MAP3K4: variants seen among roughly 807,000 people sequenced by gnomAD.
The protein encoded by MAP3K4 is mitogen-activated protein kinase kinase kinase 4.
Under a neutral mutation model 185.6 loss-of-function variants are expected in MAP3K4, and 67 were observed. The ratio of observed to expected loss-of-function variants is 0.36; its 90% CI spans 0.30 to 0.44. The LOEUF is 0.44. MAP3K4 is among the 20% of genes least tolerant of loss of function. The pLI is 1.00. For missense variants in MAP3K4, 1,551 were observed against 1,995.1 expected, an observed-to-expected ratio of 0.78 and a Z score of 4.24; for synonymous variants, 702 against 710.4, an observed-to-expected ratio of 0.99 and a Z score of 0.19.
intron 6 of MAP3K4, 47 bp downstream of exon 6, chr6:161,081,085 C>G (rs553921637): frequency 1.8e-4 from 279 of 1,584,666 alleles, no homozygotes; most frequent in Middle Eastern, 3.4e-4. Flanking sequence ...CCTTCTCACT[C>G]TCACACCATT....
At position 161,077,669 on chromosome 6, in the gene MAP3K4, A is replaced by T. The variant is rs146776551; in HGVS notation, c.2098-3212A>T. Among the ~76,000 whole-genome samples the T allele has an allele frequency of 1.2e-4, 19 of 152,306 alleles. No homozygotes were observed. In the East Asian group the frequency reaches 3.5e-3, roughly 28 times the overall value. On this transcript the variant is annotated intron_variant, in intron 5 of 26. Transcript: ENST00000392142. This position sits in a 1 kb window ranked among gnomAD's most constrained non-coding sequence, Gnocchi z 4.3. ...CATACATTCAGAAAGAAGTATAAGG[A>T]TTCAAAGGAAACGTAGGCAGTGAAA...
In MAP3K4 at chr6:161,112,755, T is replaced by C. The variant is rs1477003192; in HGVS notation, c.4607T>C (p.Ile1536Thr). Residue 1536 changes from isoleucine to threonine, a missense_variant, in exon 25 of 27, where the codon ATA (isoleucine) becomes ACA (threonine). Physicochemically the swap from Ile to Thr is moderately conservative, Grantham distance 89 (BLOSUM62 -1). This residue lies in a region of MAP3K4 where 159 missense variants were observed against 300.5 expected (regional missense o/e 0.53). Transcript: ENST00000392142. The surrounding 1 kb of genome is among the most constrained non-coding windows in gnomAD (Gnocchi z 5.1). ...ATCTGGAGTCTGGGGTGTGTTGTCA[T>C]AGAGATGGTGACTGGCAAGGTAAGC... is the stretch of plus-strand genomic sequence containing the variant. ...ADIWSLGCVV[I>T]EMVTGKRPWH... The C allele has an allele frequency of 6.2e-7, 1 of 1,604,454 alleles. No individual in the cohort carries two copies. The highest frequency in any genetic ancestry group is 8.5e-7 in the Non-Finnish European group (1 of 1,176,404).
chr6:160,997,674 TTGTCCACCGGCTG>T (rs1258194507), intron 1 of MAP3K4, among the ~76,000 whole-genome samples: 1 of 152,198 alleles, frequency 6.6e-6, no homozygotes, highest in Non-Finnish European at 1.5e-5. Context: ...ATACACATAT[TTGTCCACCGGCTG>T]TGTCTGCCCT....
chr6:161,006,855 G>C (rs901604553), intron 1 of MAP3K4, among the ~76,000 whole-genome samples: 58 of 152,144 alleles, frequency 3.8e-4, no homozygotes, highest in African/African-American at 1.2e-3. Context: ...CCCGAGATCT[G>C]CTTCTTGGTG....
Position 161,084,012 on chromosome 6 carries a change from A to G in MAP3K4, c.2256-489A>G, listed in dbSNP as rs1785581475. Among the ~76,000 whole-genome samples the G allele has an allele frequency of 6.6e-6, 1 of 152,240 alleles. No homozygotes were observed. ...TCACTCATTTAGATTCATTTTATAT[A>G]CTGGGGTGTACATTTTAACACTAGT... On this transcript the variant is annotated intron_variant, in intron 6 of 26. Coordinates refer to ENST00000392142, the MANE Select transcript of MAP3K4 (RefSeq NM_005922.4). The surrounding 1 kb of genome is among the most constrained non-coding windows in gnomAD (Gnocchi z 4.6).
Position 161,063,228 on chromosome 6 carries a change from G to A in MAP3K4, c.1708-7380G>A, listed in dbSNP as rs1335491964. Among the ~76,000 whole-genome samples the A allele has an allele frequency of 2.0e-5, 3 of 151,434 alleles. No individual in the cohort carries two copies. Among genetic ancestry groups the A allele is most frequent in the Non-Finnish European group, 4.4e-5 (3 of 67,820 alleles). On this transcript the variant is annotated intron_variant, in intron 3 of 26. Transcript: ENST00000392142. This position sits in a 1 kb window ranked among gnomAD's most constrained non-coding sequence, Gnocchi z 5.4. ...GGTTTTTTTTCTAATTCTAATTTTTGTCATTATTTTATATTTTTTATGATT... is the reference window on the plus strand; with the variant it reads ...GGTTTTTTTTCTAATTCTAATTTTTATCATTATTTTATATTTTTTATGATT...
rs562666437 is a variant in MAP3K4 at position 161,084,321 on chromosome 6, A to C, written c.2256-180A>C. Among the ~76,000 whole-genome samples, 1 of 152,372 alleles carries C rather than the reference A, an allele frequency of 6.6e-6. No individual in the cohort carries two copies. The highest frequency in any genetic ancestry group is 1.5e-5 in the Non-Finnish European group (1 of 68,032). On this transcript the variant is annotated intron_variant, in intron 6 of 26. Coordinates refer to ENST00000392142, the MANE Select transcript of MAP3K4 (RefSeq NM_005922.4). The surrounding 1 kb of genome is among the most constrained non-coding windows in gnomAD (Gnocchi z 4.6). ...AGTAGAACAAAGGTAGGTACATGTC[A>C]TAATCCAGATTCCTATTTTTCCACG...
At position 161,088,689 on chromosome 6, in the gene MAP3K4, C is replaced by A. The variant is rs572911073; in HGVS notation, c.2824-633C>A. On this transcript the variant is annotated intron_variant, in intron 10 of 26. Coordinates refer to ENST00000392142, the MANE Select transcript of MAP3K4 (RefSeq NM_005922.4). The surrounding 1 kb of genome is among the most constrained non-coding windows in gnomAD (Gnocchi z 4.5). ...CCAGTAAATGATCCTTTCCCTGCAT[C>A]CCCAGAGCAGCTGCTGTAGTCAGCA... Among the ~76,000 whole-genome samples the A allele has an allele frequency of 4.6e-5, 7 of 152,298 alleles. No homozygotes were observed. The highest frequency in any genetic ancestry group is 1.7e-4 in the African/African-American group (7 of 41,556).
Position 161,116,861 on chromosome 6 carries a change from T to C in MAP3K4, c.4818T>C (p.Asp1606=). Residue 1606 remains aspartate, a synonymous_variant, in exon 27 of 27, where the codon GAT becomes GAC. Transcript: ENST00000392142. This position sits in a 1 kb window ranked among gnomAD's most constrained non-coding sequence, Gnocchi z 6.2. ...CTGCTTCCTCACAGGTTTGCACAGA[T>C]GAAGAATGAAGCCTAGTAGAATATG... ...LDHSFVKVCT[D]EE is the part of the protein sequence containing the mutation. 1.2e-6 allele frequency: 2 copies of C among 1,614,114 alleles called. No individual in the cohort carries two copies. Among genetic ancestry groups the C allele is most frequent in the Non-Finnish European group, 1.7e-6 (2 of 1,179,950 alleles).
rs1785058018 is a variant in MAP3K4, at chr6:161,073,906, A to C, written c.2097+294A>C. Among the ~76,000 whole-genome samples the C allele has an allele frequency of 6.6e-6, 1 of 152,208 alleles. No homozygotes were observed. Among genetic ancestry groups the C allele is most frequent in the African/African-American group, 2.4e-5 (1 of 41,452 alleles). On this transcript the variant is annotated intron_variant, in intron 5 of 26. Transcript: ENST00000392142. This position sits in a 1 kb window ranked among gnomAD's most constrained non-coding sequence, Gnocchi z 4.2. ...TTTTTAAGTTGGAAGTTTTTGACAA[A>C]CGTTAACCTAGTTCATTCTTTACTT...
At chr6:161,065,917 A>T (rs1204586733) in intron 3 of MAP3K4, among the ~76,000 whole-genome samples, 7 of 120,198 alleles carry the variant, frequency 5.8e-5, no homozygotes, top group East Asian at 2.7e-4. Flanking sequence ...CAGCCTGGGC[A>T]AAAGAGCAAG....
rs567300456 is a variant in MAP3K4 at position 161,115,646 on chromosome 6, T to C, written c.4806+344T>C. On this transcript the variant is annotated intron_variant, in intron 26 of 26. Transcript: ENST00000392142. The surrounding 1 kb of genome is among the most constrained non-coding windows in gnomAD (Gnocchi z 6.0). ...CTAATCATTATACTGAGAGCTGTGA[T>C]AATGGTATATAAGGTTACTCAGAAG... Among the ~76,000 whole-genome samples, 7 of 152,298 alleles carry C rather than the reference T, an allele frequency of 4.6e-5. No individual in the cohort carries two copies. The highest frequency in any genetic ancestry group is 3.4e-3 in the Middle Eastern group (1 of 294).
At chr6:161,033,221 G>T (rs1783011530) in intron 1 of MAP3K4, among the ~76,000 whole-genome samples, 1 of 151,956 alleles carries the variant, frequency 6.6e-6, no homozygotes, top group African/African-American at 2.4e-5. Flanking sequence ...AAAATATAAA[G>T]CATATTTATA....
intron 1 of MAP3K4, among the ~76,000 whole-genome samples, chr6:161,009,511 G>T (rs1047941385): frequency 9.2e-5 from 14 of 152,000 alleles, no homozygotes; most frequent in African/African-American, 2.7e-4. Context: ...TTTCTGATTG[G>T]CTTATTTCAC....
rs549665220 is a variant in MAP3K4 at position 161,024,100 on chromosome 6, G to A, written c.153-10159G>A. Among the ~76,000 whole-genome samples the A allele has an allele frequency of 9.2e-5, 14 of 152,140 alleles. No individual in the cohort carries two copies. The East Asian group carries it at 1.5e-3, about 17-fold the overall frequency. ...TCTTGCTTCACCCTCCTGAGTAGCC[G>A]GGACTACAGGTGTGCAGCACCAAAC... On this transcript the variant is annotated intron_variant, in intron 1 of 26. Transcript: ENST00000392142.
In MAP3K4 at chr6:161,084,569, C is replaced by T. The variant is rs760079991; in HGVS notation, c.2324C>T (p.Ala775Val). The T allele has an allele frequency of 3.7e-6, 6 of 1,613,130 alleles. No homozygotes were observed. The East Asian group carries it at 8.9e-5, about 24-fold the overall frequency. ...FLEFGLQESC[A>V]EFWTSADDSS... is the part of the protein sequence containing the mutation. ...GAATTTGGCTTACAGGAGAGCTGTGCTGAATTTTGGACTAGTGCGGATGAC... is the reference window on the plus strand; with the variant it reads ...GAATTTGGCTTACAGGAGAGCTGTGTTGAATTTTGGACTAGTGCGGATGAC... The change falls in exon 7 of 27, where the codon GCT becomes GTT. Residue 775 changes from alanine to valine, a missense_variant. Physicochemically the swap from Ala to Val is moderately conservative, Grantham distance 64. Transcript: ENST00000392142. The surrounding 1 kb of genome is among the most constrained non-coding windows in gnomAD (Gnocchi z 4.6).
chr6:161,110,949 G>A lies in MAP3K4; in HGVS notation c.4397-887G>A, dbSNP rs547442400. Among the ~76,000 whole-genome samples, 6 of 152,286 alleles carry A rather than the reference G, an allele frequency of 3.9e-5. No homozygotes were observed. In the South Asian group the frequency reaches 1.0e-3, roughly 26 times the overall value. On this transcript the variant is annotated intron_variant, in intron 23 of 26. Coordinates refer to ENST00000392142, the MANE Select transcript of MAP3K4 (RefSeq NM_005922.4). This position sits in a 1 kb window ranked among gnomAD's most constrained non-coding sequence, Gnocchi z 4.8. ...AAAATGGTGTTTGCACGTTTGTTCC[G>A]TGGCAGGAAGAGACTCCCTTAGAAT...
Position 161,097,792 on chromosome 6 carries a change from A to G in MAP3K4, c.3525-486A>G, listed in dbSNP as rs73026071. ...GACCACAGTTTTTTGTTTTTTTTTT[A>G]AAGCTTTGAGGGGACCGGGGTGCGG... On this transcript the variant is annotated intron_variant, in intron 16 of 26. Coordinates refer to ENST00000392142, the MANE Select transcript of MAP3K4 (RefSeq NM_005922.4). The surrounding 1 kb of genome is among the most constrained non-coding windows in gnomAD (Gnocchi z 4.9). Among the ~76,000 whole-genome samples the G allele has an allele frequency of 8.6e-5, 11 of 128,434 alleles. No individual in the cohort carries two copies. The highest frequency in any genetic ancestry group is 1.4e-4 in the Non-Finnish European group (8 of 57,896). 84.3% of individuals were successfully genotyped at this position (128,434 alleles called of 152,430 possible). A position where few individuals can be genotyped will look rare whatever the true frequency, so the allele number is the denominator to read the frequency against.
At chr6:161,094,187 A>G (rs1777468905) in intron 15 of MAP3K4, among the ~76,000 whole-genome samples, 1 of 152,188 alleles carries the variant, frequency 6.6e-6, no homozygotes, top group Non-Finnish European at 1.5e-5. Flanking sequence ...GTTGTCTGCC[A>G]AGCAACAGGA....
Sources: gnomAD v4.1 joint callset for allele counts (sites outside exome capture counted in the v4.1 genomes callset) on GRCh38, gnomAD v4.1.1 for gene constraint, gnomAD v4.1.1 regional missense constraint, Gnocchi (gnomAD v3.1) non-coding constraint, MANE v1.5 for transcripts, NCBI Gene and HGNC (gene_info 2026-07-23, HGNC 2026-07-21) for gene names.